Variants in PPP2R2C observed in about 807,000 individuals in gnomAD.
The protein encoded by PPP2R2C is protein phosphatase 2 regulatory subunit Bgamma, also known as protein phosphatase 2, regulatory subunit B, gamma.
In PPP2R2C, 10 loss-of-function variants were observed where a neutral mutation model predicts 45.3. That is an observed-to-expected ratio of 0.22 (90% CI 0.14 to 0.37). PPP2R2C has a LOEUF of 0.37. Ranked by LOEUF, PPP2R2C falls within the 10% of genes least tolerant of loss-of-function variation. The pLI is 1.00. For synonymous variants in PPP2R2C, 257 were observed against 245.4 expected (o/e 1.05, Z -0.44); for missense variants, 308 against 619.7 (o/e 0.50, Z 5.34).
intron 1 of PPP2R2C, among the ~76,000 whole-genome samples, chr4:6,429,457 T>C (rs1199155180): frequency 1.3e-5 from 2 of 152,190 alleles, no homozygotes; most frequent in South Asian, 2.1e-4. Flanking sequence ...AAATAAAAAC[T>C]ATTAAACAAA....
chr4:6,420,690 A>G (rs1345246296), intron 1 of PPP2R2C, among the ~76,000 whole-genome samples: 1 of 152,156 alleles, frequency 6.6e-6, no homozygotes, highest in African/African-American at 2.4e-5. Flanking sequence ...AACTAACTCA[A>G]CAACCTCTCA....
At chr4:6,538,731 A>G (rs993843517) in intron 1 of PPP2R2C, among the ~76,000 whole-genome samples, 9 of 152,196 alleles carry the variant, frequency 5.9e-5, no homozygotes, top group African/African-American at 2.2e-4. Flanking sequence ...CCGGCCGCCA[A>G]TGCAGTCTGT....
chr4:6,532,152 C>A (rs904759560), intron 2 of PPP2R2C, among the ~76,000 whole-genome samples: 5 of 152,232 alleles, frequency 3.3e-5, no homozygotes, highest in Admixed American at 6.5e-5. Context: ...CCAACTTGTC[C>A]TCTCTAACCT....
intron 2 of PPP2R2C, among the ~76,000 whole-genome samples, chr4:6,535,113 G>A (rs894857540): frequency 2.0e-5 from 3 of 152,172 alleles, no homozygotes; most frequent in Admixed American, 6.5e-5. Flanking sequence ...AGCCAGGGTC[G>A]GGGGCCCAGG....
chr4:6,428,270 C>T (rs1285148845), intron 1 of PPP2R2C, among the ~76,000 whole-genome samples: 2 of 152,224 alleles, frequency 1.3e-5, no homozygotes, highest in African/African-American at 4.8e-5. Flanking sequence ...TTCCCGTCAA[C>T]ATGGCTGTGT....
intron 2 of PPP2R2C, among the ~76,000 whole-genome samples, chr4:6,491,330 C>G (rs1722693085): frequency 6.6e-6 from 1 of 152,176 alleles, no homozygotes; most frequent in Admixed American, 6.5e-5. Flanking sequence ...GGCCAATGAG[C>G]TTCTGCATGG....
intron 2 of PPP2R2C, among the ~76,000 whole-genome samples, chr4:6,518,184 T>A (rs1407372024): frequency 6.6e-6 from 1 of 152,146 alleles, no homozygotes; most frequent in Non-Finnish European, 1.5e-5. Context: ...TAACATTGAA[T>A]GTACATATTA....
intron 1 of PPP2R2C, among the ~76,000 whole-genome samples, chr4:6,446,809 C>T (rs192587395): frequency 1.2e-4 from 18 of 150,304 alleles, no homozygotes; most frequent in Admixed American, 1.1e-3. Context: ...CAGCAGATGA[C>T]AAAAGGGAGG....
chr4:6,504,496 T>C lies in PPP2R2C; in HGVS notation c.49+30775A>G, dbSNP rs563721175. Among the ~76,000 whole-genome samples, 4 of 152,068 alleles carry C rather than the reference T, an allele frequency of 2.6e-5. No homozygotes were observed. The South Asian group carries it at 8.3e-4, about 32-fold the overall frequency. On this transcript the variant is annotated intron_variant, in intron 2 of 9. Coordinates refer to the PPP2R2C transcript ENST00000506140. ...CTGAGATGGACCCCAAATGCTGGAA[T>C]TGGCAGACAATCATTTTAAAGCAGC...
intron 1 of PPP2R2C, among the ~76,000 whole-genome samples, chr4:6,434,708 C>T (rs577846107): frequency 3.3e-5 from 5 of 152,258 alleles, no homozygotes; most frequent in Non-Finnish European, 7.4e-5. Flanking sequence ...AAATCCATAG[C>T]CATGTTTCTG....
intron 2 of PPP2R2C, among the ~76,000 whole-genome samples, chr4:6,508,325 G>A (rs1333802898): frequency 1.3e-5 from 2 of 152,188 alleles, no homozygotes; most frequent in African/African-American, 2.4e-5. Flanking sequence ...GGTGGCTCAC[G>A]CCTGTAATCC....
intron 6 of PPP2R2C, among the ~76,000 whole-genome samples, chr4:6,338,214 C>G (rs1233238117): frequency 1.3e-5 from 2 of 152,184 alleles, no homozygotes; most frequent in African/African-American, 4.8e-5. Flanking sequence ...CCATCTCCAC[C>G]CACTCCCCCA....
chr4:6,363,804 G>A (rs1185113186), intron 5 of PPP2R2C, among the ~76,000 whole-genome samples: 2 of 152,148 alleles, frequency 1.3e-5, no homozygotes, highest in Admixed American at 6.5e-5. Flanking sequence ...ATGAAAGCCA[G>A]TTTCAGGACA....
intron 1 of PPP2R2C, among the ~76,000 whole-genome samples, chr4:6,543,041 C>T (rs1166860034): frequency 6.7e-6 from 1 of 149,926 alleles, no homozygotes; most frequent in African/African-American, 2.4e-5. Context: ...AGAGAGGGGC[C>T]ACCCAGACGC....
chr4:6,474,195 GC>G (rs1437937757), upstream of PPP2R2C, among the ~76,000 whole-genome samples: 17 of 134,910 alleles, frequency 1.3e-4, no homozygotes, highest in Admixed American at 1.3e-3. Context: ...CTGCTCACAT[GC>G]CCCCCACCTC....
chr4:6,391,695 G>A (rs1015630436), intron 1 of PPP2R2C, among the ~76,000 whole-genome samples: 4 of 152,202 alleles, frequency 2.6e-5, no homozygotes, highest in Non-Finnish European at 4.4e-5. Flanking sequence ...TGCCAGAGCC[G>A]AGGACACCAG....
Position 6,472,394 on chromosome 4 carries a change from C to G in PPP2R2C, c.-165G>C, listed in dbSNP as rs1721953810. 1.1e-6 allele frequency: 1 copy of G among 897,956 alleles called. No homozygotes were observed. The highest frequency in any genetic ancestry group is 1.3e-6 in the Non-Finnish European group (1 of 749,638). The allele number at this position is 897,956 out of a possible 1,614,324, so 55.6% of individuals were successfully genotyped here. On this transcript the variant is annotated 5_prime_UTR_variant, in exon 1 of 9. Transcript: ENST00000382599. ...GCGGCAGGGGGACGGGCGGGGGCGG[C>G]CGGGGGCGGGCGCCGCGGTCAAGCG...
intron 1 of PPP2R2C, among the ~76,000 whole-genome samples, chr4:6,434,197 A>T (rs1369304803): frequency 6.6e-6 from 1 of 152,132 alleles, no homozygotes; most frequent in African/African-American, 2.4e-5. Context: ...CTGAGCTGTC[A>T]CGTTCTTTTC....
chr4:6,406,598 CA>C (rs11317671), intron 1 of PPP2R2C, among the ~76,000 whole-genome samples: 41,880 of 149,788 alleles, frequency 0.28, 7,327 homozygotes, highest in African/African-American at 0.46. Context: ...AAGAAAAAGC[CA>C]AAAAAAAAAT....
Sources: allele counts gnomAD v4.1 joint callset (sites outside exome capture counted in the v4.1 genomes callset), GRCh38; gene constraint gnomAD v4.1.1; transcripts MANE v1.5; gene names NCBI Gene and HGNC (gene_info 2026-07-23, HGNC 2026-07-21).